Variants in COL12A1 observed in about 807,000 individuals in gnomAD.
COL12A1 encodes collagen type XII alpha 1 chain.
COL12A1 carries 114 observed loss-of-function variants against 349.7 expected under a neutral mutation model. The observed-to-expected ratio is 0.33, with a 90% CI of 0.28 to 0.38. The LOEUF (loss-of-function observed/expected upper bound fraction) is 0.38. Among genes scored for constraint, COL12A1 ranks in the 10% least tolerant of loss-of-function variants. COL12A1 has a pLI of 1.00. For missense variants in COL12A1, 3,284 were observed against 3,756.9 expected, an observed-to-expected ratio of 0.87 and a Z score of 3.29; for synonymous variants, 1,369 against 1,329.0, an observed-to-expected ratio of 1.03 and a Z score of -0.66.
chr6:75,109,943 G>T (rs868801647), intron 51 of COL12A1, among the ~76,000 whole-genome samples: 7 of 151,958 alleles, frequency 4.6e-5, no homozygotes, highest in Middle Eastern at 3.2e-3. Context: ...GAAAAGTTTG[G>T]CAGCAAATTA....
chr6:75,089,669 G>C (rs748731144), intron 63 of COL12A1, among the ~76,000 whole-genome samples: 3 of 152,118 alleles, frequency 2.0e-5, no homozygotes, highest in Non-Finnish European at 4.4e-5. Context: ...TTCAACTGCA[G>C]TTATCTATAC....
intron 51 of COL12A1, among the ~76,000 whole-genome samples, chr6:75,111,514 C>T (rs543121231): frequency 6.6e-6 from 1 of 151,738 alleles, no homozygotes; most frequent in Non-Finnish European, 1.5e-5. Context: ...TAACAGTTAC[C>T]AAATGGTTAT....
At position 75,152,391 on chromosome 6, in the gene COL12A1, C is replaced by T; in HGVS notation, c.3657G>A (p.Arg1219=). The T allele has an allele frequency of 1.9e-6, 3 of 1,613,658 alleles. No individual in the cohort carries two copies. Among genetic ancestry groups the T allele is most frequent in the African/African-American group, 1.3e-5 (1 of 75,004 alleles). ...SIGRANFRTV[R]SFISRIVEVF... ...CTTCCACAATACGAGAAATGAAACTCCTCACGGTTCTAAAATTTGCCCGGC... is the reference window on the plus strand; with the variant it reads ...CTTCCACAATACGAGAAATGAAACTTCTCACGGTTCTAAAATTTGCCCGGC... Residue 1219 remains arginine (R), a synonymous_variant, in exon 18 of 66, where the codon AGG becomes AGA. Coordinates refer to ENST00000322507, the MANE Select transcript of COL12A1 (RefSeq NM_004370.6).
chr6:75,089,315 T>G, intron 63 of COL12A1, 141 bp from the exon 64 acceptor site: 1 of 640,596 alleles, frequency 1.6e-6, no homozygotes, highest in Non-Finnish European at 2.5e-6. Context: ...AGTTCACTCT[T>G]TAAGCCAAGT....
At position 75,129,954 on chromosome 6, in the gene COL12A1, C is replaced by T. The variant is rs1267199421; in HGVS notation, c.6210+137G>A. ...AGTAAGCACATTTGGGTGGTCCCAA[C>T]GTCATGTCAGAGAAAATCCTAAAGT... On this transcript the variant is annotated intron_variant, in intron 37 of 65. Transcript: ENST00000322507. The T allele has an allele frequency of 4.0e-6, 4 of 1,001,642 alleles. No homozygotes were observed. The South Asian group carries it at 5.1e-5, about 13-fold the overall frequency. The allele number at this position is 1,001,642 out of a possible 1,614,324, so 62.0% of individuals were successfully genotyped here. A position where few individuals can be genotyped will look rare whatever the true frequency, so the allele number is the denominator to read the frequency against.
In COL12A1 at chr6:75,124,296, C is replaced by T. The variant is rs1253362145; in HGVS notation, c.6683G>A (p.Arg2228Gln). ...TTTTAGCCTGTAGGAGGTGGCTGCC[C>T]GGTGAGGTGACCATTTGACACAGAA... ...DTFCVKWSPH[R>Q]AATSYRLKLS... The change falls in exon 41 of 66, where the codon CGG becomes CAG. Residue 2228 changes from arginine to glutamine, a missense_variant. By Grantham distance (43) the Arg-to-Gln change is conservative. This residue lies in a region of COL12A1 where 2,601 missense variants were observed against 2,824.8 expected (regional missense o/e 0.92). Coordinates refer to ENST00000322507, the MANE Select transcript of COL12A1 (RefSeq NM_004370.6). The T allele has an allele frequency of 5.0e-6, 8 of 1,613,652 alleles. No individual in the cohort carries two copies. The highest frequency in any genetic ancestry group is 3.3e-5 in the South Asian group (3 of 91,058).
In COL12A1 at chr6:75,145,776, TACTTGCCACCAC is replaced by T. The variant is rs1767151940; in HGVS notation, c.4560+314_4561-322del. Among the ~76,000 whole-genome samples, 3 of 151,856 alleles carry T rather than the reference TACTTGCCACCAC, an allele frequency of 2.0e-5. No homozygotes were observed. In the South Asian group the frequency reaches 6.2e-4, roughly 32 times the overall value. On this transcript the variant is annotated intron_variant, in intron 24 of 65. Coordinates refer to ENST00000322507, the MANE Select transcript of COL12A1 (RefSeq NM_004370.6). Reference sequence around the variant, plus strand: ...CCTCCTGAGTGGCTGGGACTACAGGTACTTGCCACCACACCCGACTAATTTTTGTATTTTTAG... The same window carrying T: ...CCTCCTGAGTGGCTGGGACTACAGGTACCCGACTAATTTTTGTATTTTTAG...
At chr6:75,138,782 G>A (rs1471453574) in intron 28 of COL12A1, 40 bp downstream of exon 28, 9 of 1,610,510 alleles carry the variant, frequency 5.6e-6, no homozygotes, top group African/African-American at 1.3e-5. Flanking sequence ...AATTAAATGG[G>A]ACATGAAAGA....
intron 41 of COL12A1, 29 bp from the exon 42 acceptor site, chr6:75,124,123 G>C (rs369411334): frequency 6.9e-6 from 11 of 1,604,786 alleles, no homozygotes; most frequent in Non-Finnish European, 9.4e-6. Context: ...GAAAATGCCA[G>C]TGTCATCACC....
At chr6:75,189,971 T>A (rs1363959109) in intron 5 of COL12A1, among the ~76,000 whole-genome samples, 156 bp from the exon 6 acceptor site, 1 of 151,964 alleles carries the variant, frequency 6.6e-6, no homozygotes, top group Admixed American at 6.6e-5. Context: ...AAATATACAA[T>A]TTTACTAACA....
intron 12 of COL12A1, 40 bp from the exon 13 acceptor site, chr6:75,175,350 T>TA (rs746399840): frequency 6.3e-7 from 1 of 1,583,794 alleles, no homozygotes; most frequent in East Asian, 2.2e-5. Context: ...ACCCATTATT[T>TA]AAAAAAATGA....
At chr6:75,157,209 T>C (rs1375584358) in intron 14 of COL12A1, among the ~76,000 whole-genome samples, 1 of 152,122 alleles carries the variant, frequency 6.6e-6, no homozygotes, top group East Asian at 1.9e-4. Context: ...ATGAAATAAG[T>C]AACCAACAGC....
At chr6:75,145,729 T>G (rs1767149155) in intron 24 of COL12A1, among the ~76,000 whole-genome samples, 1 of 151,830 alleles carries the variant, frequency 6.6e-6, no homozygotes, top group Non-Finnish European at 1.5e-5. Flanking sequence ...CCTCCCGGGT[T>G]CAAGCAATTC....
intron 44 of COL12A1, among the ~76,000 whole-genome samples, chr6:75,120,761 A>G (rs949794973): frequency 9.9e-5 from 15 of 152,222 alleles, no homozygotes; most frequent in African/African-American, 3.6e-4. Flanking sequence ...ACTTCAGTAT[A>G]ACAAATATAT....
chr6:75,184,479 C>T (rs1280873978), intron 8 of COL12A1, among the ~76,000 whole-genome samples: 2 of 152,184 alleles, frequency 1.3e-5, no homozygotes, highest in African/African-American at 4.8e-5. Flanking sequence ...TTCTCAAGCA[C>T]CAAAGTAGGC....
At chr6:75,136,070 T>C (rs1039737246) in intron 31 of COL12A1, among the ~76,000 whole-genome samples, 1 of 152,150 alleles carries the variant, frequency 6.6e-6, no homozygotes, top group African/African-American at 2.4e-5. Context: ...TACGAGACTC[T>C]TTATGATAGC....
At position 75,119,569 on chromosome 6, in the gene COL12A1, G is replaced by C. The variant is rs985926852; in HGVS notation, c.7087-96C>G. 6 of 1,412,702 alleles carry C rather than the reference G, an allele frequency of 4.2e-6. No individual in the cohort carries two copies. The African/African-American group carries it at 7.1e-5, about 17-fold the overall frequency. The allele number at this position is 1,412,702 out of a possible 1,614,324, so 87.5% of individuals were successfully genotyped here. ...CTAGCTGCGGAATAAAGCGGTGGGG[G>C]TGTAAAAAGTATCTCAGACCTGATA... On this transcript the variant is annotated intron_variant, in intron 44 of 65. Coordinates refer to ENST00000322507, the MANE Select transcript of COL12A1 (RefSeq NM_004370.6).
Position 75,086,850 on chromosome 6 carries a change from C to A in COL12A1, c.9182-293G>T, listed in dbSNP as rs1767521626. ...ATAGATATATAGATATTTAGATATT[C>A]AACTACTCATGCACTATTTGAAAGT... On this transcript the variant is annotated intron_variant, in intron 65 of 65. Coordinates refer to ENST00000322507, the MANE Select transcript of COL12A1 (RefSeq NM_004370.6). Among the ~76,000 whole-genome samples the A allele has an allele frequency of 2.0e-5, 3 of 151,834 alleles. No homozygotes were observed. The South Asian group carries it at 6.2e-4, about 32-fold the overall frequency.
chr6:75,164,795 C>A (rs2149437360), intron 14 of COL12A1, among the ~76,000 whole-genome samples: 1 of 151,966 alleles, frequency 6.6e-6, no homozygotes, highest in Non-Finnish European at 1.5e-5. Flanking sequence ...CCTGACACAT[C>A]TTTCACCAGC....
Sources: gnomAD v4.1 joint callset for allele counts (sites outside exome capture counted in the v4.1 genomes callset) on GRCh38, gnomAD v4.1.1 for gene constraint, gnomAD v4.1.1 regional missense constraint, MANE v1.5 for transcripts, NCBI Gene and HGNC (gene_info 2026-07-23, HGNC 2026-07-21) for gene names.